Variants in PMM1 observed in about 807,000 individuals in gnomAD.
The protein encoded by PMM1 is brain glucose-1,6-bisphosphatase.
PMM1 carries 25 observed loss-of-function variants against 34.0 expected under a neutral mutation model. The observed-to-expected ratio is 0.73, with a 90% CI of 0.54 to 1.03. The LOEUF (loss-of-function observed/expected upper bound fraction) is 1.03. Among genes scored for constraint, PMM1 ranks in the 50% least tolerant of loss-of-function variants. PMM1 has a pLI of 0.00. For synonymous variants in PMM1, 134 were observed against 143.9 expected, an observed-to-expected ratio of 0.93 and a Z score of 0.49; for missense variants, 321 against 350.1, an observed-to-expected ratio of 0.92 and a Z score of 0.66.
intron 2 of PMM1, 45 bp downstream of exon 2, chr22:41,586,031 A>G (rs759891279): frequency 3.6e-6 from 5 of 1,396,466 alleles, no homozygotes; most frequent in East Asian, 2.4e-5. Flanking sequence ...ACGCCCAGGA[A>G]TCTCTCAAAC....
At chr22:41,582,882 G>C (rs1424193727) in intron 5 of PMM1, among the ~76,000 whole-genome samples, 5 of 152,300 alleles carry the variant, frequency 3.3e-5, no homozygotes, top group East Asian at 3.9e-4. Flanking sequence ...GGAAAGGTCT[G>C]GATGGGTGGA....
At position 41,589,743 on chromosome 22, in the gene PMM1, G is replaced by GT; in HGVS notation, c.62dup (p.Asp21GlufsTer12). The stretch of plus-strand genomic sequence containing the variant: ...CCTGGCGAGCCGGCGTGAGGGTCCC[G>GT]TCCACGTCAAACAGGCAGAGGACGC... On this transcript the variant is annotated frameshift_variant, in exon 1 of 8. Coordinates refer to ENST00000216259, the MANE Select transcript of PMM1 (RefSeq NM_002676.3). LOFTEE classifies it high-confidence loss of function. 6.2e-7 allele frequency: 1 copy of GT among 1,611,994 alleles called. No homozygotes were observed. Among genetic ancestry groups the GT allele is most frequent in the Non-Finnish European group, 8.5e-7 (1 of 1,179,528 alleles).
At chr22:41,583,777 G>C (rs920783439) in intron 5 of PMM1, among the ~76,000 whole-genome samples, 182 bp downstream of exon 5, 1 of 152,094 alleles carries the variant, frequency 6.6e-6, no homozygotes, top group African/African-American at 2.4e-5. Flanking sequence ...CCTAGGAAGG[G>C]GGACCAGCAG....
Position 41,577,939 on chromosome 22 carries a change from G to A in PMM1, c.551-16C>T. On this transcript the variant is annotated splice_polypyrimidine_tract_variant and intron_variant, in intron 6 of 7. Transcript: ENST00000216259. ...ATCATGCCTCCTGTGGGCAGGGGTG[G>A]GGACTGTTATTCCCTGCTGGGAGGG... The A allele has an allele frequency of 6.3e-7, 1 of 1,583,780 alleles. No homozygotes were observed. The highest frequency in any genetic ancestry group is 8.7e-7 in the Non-Finnish European group (1 of 1,153,230).
chr22:41,577,761 C>T, intron 7 of PMM1, 47 bp downstream of exon 7: 1 of 1,438,866 alleles, frequency 6.9e-7, no homozygotes, highest in African/African-American at 1.4e-5. Flanking sequence ...GACCTGGCTT[C>T]TCACTGTCCA....
intron 5 of PMM1, among the ~76,000 whole-genome samples, chr22:41,583,612 A>G (rs77957126): frequency 0.051 from 7,765 of 152,134 alleles, 654 homozygotes; most frequent in African/African-American, 0.18. Flanking sequence ...GGGGTAATCT[A>G]GAAAGTGGGG....
intron 1 of PMM1, among the ~76,000 whole-genome samples, chr22:41,587,403 G>A (rs1038982553): frequency 1.4e-5 from 2 of 146,242 alleles, no homozygotes; most frequent in Non-Finnish European, 3.0e-5. Flanking sequence ...TCATGCCATC[G>A]CACTCCAGCC....
intron 1 of PMM1, among the ~76,000 whole-genome samples, chr22:41,586,590 C>G (rs2067310143): frequency 6.6e-6 from 1 of 151,974 alleles, no homozygotes; most frequent in Non-Finnish European, 1.5e-5. Context: ...CTCACTGCAA[C>G]CTCTGCCTCC....
chr22:41,581,179 C>G, intron 5 of PMM1, among the ~76,000 whole-genome samples: 1 of 151,140 alleles, frequency 6.6e-6, no homozygotes, highest in Non-Finnish European at 1.5e-5. Context: ...AAAAACTTAG[C>G]CAGGTGTGGT....
intron 1 of PMM1, among the ~76,000 whole-genome samples, chr22:41,587,632 A>G (rs2067327135): frequency 6.6e-6 from 1 of 152,056 alleles, no homozygotes; most frequent in Non-Finnish European, 1.5e-5. Flanking sequence ...TAACAACAAC[A>G]ACAACAAAAT....
chr22:41,578,673 C>G, intron 6 of PMM1, 133 bp downstream of exon 6: 1 of 685,874 alleles, frequency 1.5e-6, no homozygotes, highest in Non-Finnish European at 2.6e-6. Flanking sequence ...TCGGGCTCAG[C>G]CACCCTCTCT....
rs930752095 is a variant in PMM1 at position 41,588,614 on chromosome 22, C to G, written c.87+1105G>C. On this transcript the variant is annotated intron_variant, in intron 1 of 7. Coordinates refer to ENST00000216259, the MANE Select transcript of PMM1 (RefSeq NM_002676.3). ...AGGTGATCTGCCCACCATGGCCTCC[C>G]AAAGTGCTGGGATTACAGGCGTGAC... 1.7e-5 allele frequency: 17 copies of G among 982,634 alleles called. No individual in the cohort carries two copies. The African/African-American group carries it at 2.4e-4, about 14-fold the overall frequency. The allele number at this position is 982,634 out of a possible 1,614,324, so 60.9% of individuals were successfully genotyped here.
chr22:41,583,069 A>G (rs1191006073), intron 5 of PMM1, among the ~76,000 whole-genome samples: 1 of 151,190 alleles, frequency 6.6e-6, no homozygotes, highest in Non-Finnish European at 1.5e-5. Flanking sequence ...CAGAGCCCTC[A>G]GGGCTTGAGG....
chr22:41,588,751 G>A, intron 1 of PMM1: 1 of 985,172 alleles, frequency 1.0e-6, no homozygotes, highest in Non-Finnish European at 1.2e-6. Context: ...CAGAGGATGG[G>A]GAGGGGCATT....
chr22:41,587,773 AACC>A (rs2067328784), intron 1 of PMM1, among the ~76,000 whole-genome samples: 1 of 152,228 alleles, frequency 6.6e-6, no homozygotes, highest in Non-Finnish European at 1.5e-5. Flanking sequence ...ACACCACAGT[AACC>A]ACATTAACTT....
At chr22:41,582,989 T>C (rs1327486298) in intron 5 of PMM1, among the ~76,000 whole-genome samples, 2 of 151,604 alleles carry the variant, frequency 1.3e-5, no homozygotes, top group Non-Finnish European at 1.5e-5. Context: ...GAGAGGACCT[T>C]GGTGTGTTCC....
intron 6 of PMM1, 29 bp from the exon 7 acceptor site, chr22:41,577,952 C>G (rs1193554745): frequency 1.3e-6 from 2 of 1,539,324 alleles, no homozygotes; most frequent in Non-Finnish European, 1.8e-6. Context: ...ACTGTTATTC[C>G]CTGCTGGGAG....
intron 1 of PMM1, chr22:41,588,998 A>G (rs1489660392): frequency 8.5e-7 from 1 of 1,171,598 alleles, no homozygotes; most frequent in East Asian, 5.8e-5. Flanking sequence ...AAAACTGAGC[A>G]GAGGTAAGAG....
intron 2 of PMM1, chr22:41,585,462 CTTTTATTTATTT>C (rs1188130485): frequency 7.0e-6 from 1 of 143,536 alleles, no homozygotes; most frequent in African/African-American, 2.7e-5. Context: ...TGGTTCTGCC[CTTTTATTTATTT>C]ATTTATTTAT....
Sources: gnomAD v4.1 joint callset for allele counts (sites outside exome capture counted in the v4.1 genomes callset) on GRCh38, gnomAD v4.1.1 for gene constraint, MANE v1.5 for transcripts, NCBI Gene and HGNC (gene_info 2026-07-23, HGNC 2026-07-21) for gene names.